LTBP1: variants seen among roughly 807,000 people sequenced by gnomAD.
LTBP1 encodes the protein latent transforming growth factor beta binding protein 1, also known as latent-transforming growth factor beta-binding protein 1.
In LTBP1, 129 loss-of-function variants were observed where a neutral mutation model predicts 207.6. The observed-to-expected ratio is 0.62, with a 90% CI of 0.54 to 0.72. The LOEUF is 0.72. Among genes scored for constraint, LTBP1 ranks in the 30% least tolerant of loss-of-function variants. The pLI, the probability that LTBP1 is intolerant of heterozygous loss-of-function variation, is 0.00. For synonymous variants in LTBP1, 963 were observed against 833.7 expected, an observed-to-expected ratio of 1.16 and a Z score of -2.67; for missense variants, 2,281 against 2,217.2, an observed-to-expected ratio of 1.03 and a Z score of -0.58.
At chr2:33,375,869 G>A (rs145882769) in intron 31 of LTBP1, among the ~76,000 whole-genome samples, 89 of 151,974 alleles carry the variant, frequency 5.9e-4, no homozygotes, top group Middle Eastern at 3.4e-3. Flanking sequence ...AACATTCAAT[G>A]TACTCAATTT....
In LTBP1 at chr2:33,373,498, A is replaced by G. The variant is rs77147114; in HGVS notation, c.4711+7995A>G. ...ACTTAGTGAGGATCTGTTGAGTCAA[A>G]GCAATGTCAGTATGTATCCAACTTC... On this transcript the variant is annotated intron_variant, in intron 31 of 33. Transcript: ENST00000404816. Among the ~76,000 whole-genome samples, 481 of 152,360 alleles carry G rather than the reference A, an allele frequency of 3.2e-3. 5 individuals are homozygous for G. Among genetic ancestry groups the G allele is most frequent in the African/African-American group, 0.011 (460 of 41,576 alleles).
At chr2:32,993,249 A>G (rs1255029007) in intron 2 of LTBP1, among the ~76,000 whole-genome samples, 1 of 152,098 alleles carries the variant, frequency 6.6e-6, no homozygotes, top group Non-Finnish European at 1.5e-5. Context: ...GAAAGCAGCC[A>G]GCACCCAACC....
At chr2:33,053,695 T>G (rs968863366) in intron 3 of LTBP1, among the ~76,000 whole-genome samples, 30 of 152,140 alleles carry the variant, frequency 2.0e-4, no homozygotes, top group African/African-American at 7.2e-4. Context: ...AGTATAGGCT[T>G]TATTCATTCC....
At chr2:33,008,107 G>C (rs1475882508) in intron 2 of LTBP1, among the ~76,000 whole-genome samples, 1 of 151,984 alleles carries the variant, frequency 6.6e-6, no homozygotes, top group Non-Finnish European at 1.5e-5. Context: ...GTTTTATAAA[G>C]CTTATTTTTT....
intron 3 of LTBP1, among the ~76,000 whole-genome samples, chr2:33,079,565 G>A (rs1297683392): frequency 6.6e-6 from 1 of 152,166 alleles, no homozygotes; most frequent in Non-Finnish European, 1.5e-5. Context: ...CATATGATAA[G>A]ATCTGAACCT....
chr2:33,110,522 A>G, intron 3 of LTBP1, 60 bp from the exon 4 acceptor site: 1 of 1,479,520 alleles, frequency 6.8e-7, no homozygotes, highest in Non-Finnish European at 9.3e-7. Context: ...CCCTTTCCTT[A>G]TTAGCTGACT....
At chr2:33,297,398 G>GCTTT (rs1392157179) in intron 20 of LTBP1, among the ~76,000 whole-genome samples, 3 of 136,484 alleles carry the variant, frequency 2.2e-5, no homozygotes, top group African/African-American at 8.1e-5. Context: ...CTAATATACT[G>GCTTT]CTTTATTTAT....
intron 2 of LTBP1, among the ~76,000 whole-genome samples, chr2:32,966,584 T>C (rs1305345227): frequency 1.3e-5 from 2 of 152,158 alleles, no homozygotes; most frequent in Non-Finnish European, 2.9e-5. Context: ...AGAGTTCTTA[T>C]CATAAGTGAG....
At chr2:33,155,445 G>A (rs1436399790) in intron 5 of LTBP1, among the ~76,000 whole-genome samples, 1 of 152,182 alleles carries the variant, frequency 6.6e-6, no homozygotes, top group Non-Finnish European at 1.5e-5. Flanking sequence ...GCTTGTGCAT[G>A]AGATTAAGTT....
intron 18 of LTBP1, among the ~76,000 whole-genome samples, chr2:33,277,399 G>T (rs989644470): frequency 1.3e-5 from 2 of 152,154 alleles, no homozygotes; most frequent in African/African-American, 4.8e-5. Flanking sequence ...GATGCAGCGT[G>T]GGAGCAGCTC....
chr2:33,218,521 C>T (rs551663902), intron 8 of LTBP1, among the ~76,000 whole-genome samples: 42 of 152,292 alleles, frequency 2.8e-4, no homozygotes, highest in African/African-American at 9.4e-4. Context: ...TTCAGCCTCC[C>T]GAGTAGCTAG....
At chr2:33,267,672 A>T (rs1823834) in intron 15 of LTBP1, among the ~76,000 whole-genome samples, 1 of 152,208 alleles carries the variant, frequency 6.6e-6, no homozygotes, top group East Asian at 1.9e-4. Flanking sequence ...CTGCATTTCA[A>T]TTTTTTCAAT....
At chr2:32,957,824 C>G (rs1037460673) in intron 2 of LTBP1, among the ~76,000 whole-genome samples, 3 of 152,178 alleles carry the variant, frequency 2.0e-5, no homozygotes, top group African/African-American at 7.2e-5. Flanking sequence ...CCTGTACATG[C>G]ATATACTGAT....
intron 3 of LTBP1, among the ~76,000 whole-genome samples, chr2:33,042,943 A>C (rs1390030141): frequency 2.6e-5 from 4 of 152,166 alleles, no homozygotes; most frequent in Admixed American, 2.6e-4. Flanking sequence ...GGGAAAAAAA[A>C]CAGCCAGGCC....
intron 2 of LTBP1, among the ~76,000 whole-genome samples, chr2:32,951,193 C>G (rs917214811): frequency 6.6e-6 from 1 of 152,214 alleles, no homozygotes; most frequent in Non-Finnish European, 1.5e-5. Context: ...TGGACAGTAC[C>G]AGCATCTAAG....
At chr2:33,088,376 CG>C (rs1276523176) in intron 3 of LTBP1, among the ~76,000 whole-genome samples, 1 of 151,848 alleles carries the variant, frequency 6.6e-6, no homozygotes, top group East Asian at 1.9e-4. Context: ...CACTTGAACC[CG>C]GGAGGCGGAG....
intron 5 of LTBP1, among the ~76,000 whole-genome samples, chr2:33,185,967 A>G (rs1317298300): frequency 1.3e-5 from 2 of 152,232 alleles, no homozygotes; most frequent in African/African-American, 2.4e-5. Context: ...AGAATTCATT[A>G]GTGATAAAGA....
chr2:33,227,939 G>A (rs997536517), intron 9 of LTBP1, among the ~76,000 whole-genome samples: 1 of 151,322 alleles, frequency 6.6e-6, no homozygotes, highest in African/African-American at 2.4e-5. Flanking sequence ...TGAGTAGCTG[G>A]GACTATAGGC....
intron 7 of LTBP1, among the ~76,000 whole-genome samples, chr2:33,204,389 G>A (rs1331327898): frequency 1.3e-5 from 2 of 152,300 alleles, no homozygotes; most frequent in Admixed American, 1.3e-4. Context: ...TTTAAAGTAT[G>A]TCTCTAGCCT....
Sources: allele counts gnomAD v4.1 joint callset (sites outside exome capture counted in the v4.1 genomes callset), GRCh38; gene constraint gnomAD v4.1.1; transcripts MANE v1.5; gene names NCBI Gene and HGNC (gene_info 2026-07-23, HGNC 2026-07-21).